The following CYP19A1 variants were observed in gnomAD, a reference collection of about 807,000 sequenced individuals.
CYP19A1 encodes the protein cytochrome P450 family 19 subfamily A member 1.
CYP19A1 carries 32 observed loss-of-function variants against 44.4 expected under a neutral mutation model. That is an observed-to-expected ratio of 0.72 (90% CI 0.54 to 0.97). CYP19A1 has a LOEUF of 0.97. CYP19A1 is among the 50% of genes least tolerant of loss of function. CYP19A1 has a pLI of 0.00. For missense variants in CYP19A1, 598 were observed against 637.8 expected, an observed-to-expected ratio of 0.94 and a Z score of 0.67; for synonymous variants, 212 against 215.6, an observed-to-expected ratio of 0.98 and a Z score of 0.14.
intron 6 of CYP19A1, 126 bp from the exon 7 acceptor site, chr15:51,215,943 G>A (rs2031531253): frequency 1.3e-6 from 2 of 1,501,494 alleles, no homozygotes; most frequent in Admixed American, 2.0e-5. Flanking sequence ...TTATGAGTAA[G>A]TGAATTACTA....
intron 1 of CYP19A1, among the ~76,000 whole-genome samples, chr15:51,275,115 G>T (rs538623346): frequency 6.2e-4 from 94 of 152,316 alleles, no homozygotes; most frequent in South Asian, 1.2e-3. Flanking sequence ...GGTGGGAGGG[G>T]ACATCCAGGA....
At chr15:51,275,352 A>G (rs1467168189) in intron 1 of CYP19A1, among the ~76,000 whole-genome samples, 4 of 152,222 alleles carry the variant, frequency 2.6e-5, no homozygotes, top group African/African-American at 9.6e-5. Flanking sequence ...CTCTTCTGTG[A>G]AAAGATGCCT....
chr15:51,255,468 C>T (rs1431717513), intron 1 of CYP19A1: 1 of 152,210 alleles, frequency 6.6e-6, no homozygotes, highest in East Asian at 1.9e-4. Context: ...GGAATCTTTA[C>T]TCAACAGAAT....
At chr15:51,279,656 CT>C (rs2035447121) in intron 1 of CYP19A1, among the ~76,000 whole-genome samples, 1 of 152,164 alleles carries the variant, frequency 6.6e-6, no homozygotes, top group South Asian at 2.1e-4. Context: ...AAGTCTCTTC[CT>C]TCTAATTCCC....
intron 1 of CYP19A1, among the ~76,000 whole-genome samples, chr15:51,318,169 G>A (rs144391497): frequency 1.2e-3 from 187 of 152,148 alleles, no homozygotes; most frequent in African/African-American, 4.3e-3. Flanking sequence ...ACAGTGCTCG[G>A]TGCTTTATGT....
chr15:51,216,900 C>T (rs544616552), intron 6 of CYP19A1, among the ~76,000 whole-genome samples: 1 of 152,258 alleles, frequency 6.6e-6, no homozygotes, highest in East Asian at 1.9e-4. Flanking sequence ...AATCTAAATT[C>T]AATTTTTCTT....
intron 1 of CYP19A1, among the ~76,000 whole-genome samples, chr15:51,278,321 C>T (rs566156117): frequency 6.6e-6 from 1 of 152,084 alleles, no homozygotes; most frequent in Non-Finnish European, 1.5e-5. Context: ...GAAAACTGAC[C>T]ATGAGGAGGA....
At chr15:51,226,220 GC>G (rs1273862705) in intron 4 of CYP19A1, among the ~76,000 whole-genome samples, 17 of 152,018 alleles carry the variant, frequency 1.1e-4, no homozygotes, top group African/African-American at 3.9e-4. Flanking sequence ...ACTGTTGATG[GC>G]TTTGAAGTTG....
chr15:51,243,208 C>G, intron 1 of CYP19A1: 4 of 392,764 alleles, frequency 1.0e-5, no homozygotes, highest in South Asian at 1.0e-4. Flanking sequence ...AGAACCTTAT[C>G]ATCTTGCCCT....
Position 51,208,625 on chromosome 15 carries a change from T to G in CYP19A1, c.*2183A>C. 6.6e-6 allele frequency: 1 copy of G among 152,100 alleles called. No homozygotes were observed. Among genetic ancestry groups the G allele is most frequent in the Non-Finnish European group, 1.5e-5 (1 of 68,016 alleles). 9.4% of individuals were successfully genotyped at this position (152,100 alleles called of 1,614,324 possible). A position where few individuals can be genotyped will look rare whatever the true frequency, so the allele number is the denominator to read the frequency against. On this transcript the variant is annotated 3_prime_UTR_variant, in exon 10 of 10. Transcript: ENST00000396402. ...CCAAGCCTCTACAAATATATGGGGT[T>G]TGTCTATACAGGCTAAGCAGAGTGA...
rs150890833 is a variant in CYP19A1 at position 51,242,891 on chromosome 15, G to A, written c.22C>T (p.Pro8Ser). ...ATGCTGGTGATGTTATAATGTATCG[G>A]GTTCAGCATTTCCAAAACCATCTTG... MVLEMLN[P>S]IHYNITSIVP... The change falls in exon 2 of 10, where the codon CCG becomes TCG. Residue 8 changes from proline (P) to serine (S), a missense_variant. Transcript: ENST00000396402. 2 of 1,611,162 alleles carry A rather than the reference G, an allele frequency of 1.2e-6. No individual in the cohort carries two copies. The highest frequency in any genetic ancestry group is 1.7e-6 in the Non-Finnish European group (2 of 1,177,320).
At chr15:51,214,297 C>T (rs1178823667) in intron 8 of CYP19A1, among the ~76,000 whole-genome samples, 2 of 152,158 alleles carry the variant, frequency 1.3e-5, no homozygotes, top group Non-Finnish European at 2.9e-5. Flanking sequence ...CAAAGATGGC[C>T]TTGTTTCTGT....
At chr15:51,323,899 T>A (rs1036641755) in intron 1 of CYP19A1, 1 of 152,158 alleles carries the variant, frequency 6.6e-6, no homozygotes, top group Non-Finnish European at 1.5e-5. Context: ...ACAGGCTGAA[T>A]TTCACCACAG....
Position 51,208,076 on chromosome 15 carries a change from T to C in CYP19A1, c.*2732A>G, listed in dbSNP as rs2030551682. The C allele has an allele frequency of 6.6e-6, 1 of 152,182 alleles. No homozygotes were observed. Among genetic ancestry groups the C allele is most frequent in the South Asian group, 2.1e-4 (1 of 4,828 alleles). 9.4% of individuals were successfully genotyped at this position (152,182 alleles called of 1,614,324 possible). ...ACTTACTACTTTGACAAGGTTTAAT[T>C]AGTATGTCTTTCTGCAAGAATAGGT... On this transcript the variant is annotated 3_prime_UTR_variant, in exon 10 of 10. Transcript: ENST00000396402.
chr15:51,217,639 C>G (rs780660707), intron 6 of CYP19A1, among the ~76,000 whole-genome samples: 2 of 152,132 alleles, frequency 1.3e-5, no homozygotes, highest in Non-Finnish European at 2.9e-5. Context: ...AGATGGAGAA[C>G]TTGAGATGGT....
chr15:51,215,676 G>A (rs1432668005), intron 7 of CYP19A1, 27 bp downstream of exon 7: 1 of 1,613,854 alleles, frequency 6.2e-7, no homozygotes. Context: ...ATGTGGCATG[G>A]GAATTACAGT....
intron 1 of CYP19A1, among the ~76,000 whole-genome samples, chr15:51,310,265 G>A (rs1214989052): frequency 6.6e-6 from 1 of 152,082 alleles, no homozygotes; most frequent in Non-Finnish European, 1.5e-5. Context: ...TCCTCTAAAA[G>A]CAGCTAGATT....
intron 1 of CYP19A1, among the ~76,000 whole-genome samples, chr15:51,272,696 A>G (rs570213155): frequency 1.3e-5 from 2 of 152,344 alleles, no homozygotes; most frequent in East Asian, 3.9e-4. Flanking sequence ...GTTTTGCTAG[A>G]GCCTCCTCTA....
Position 51,210,791 on chromosome 15 carries a change from G to C in CYP19A1, c.*17C>G, listed in dbSNP as rs1201251894. 6.7e-7 allele frequency: 1 copy of C among 1,489,224 alleles called. No homozygotes were observed. Among genetic ancestry groups the C allele is most frequent in the East Asian group, 2.3e-5 (1 of 44,352 alleles). The allele number at this position is 1,489,224 out of a possible 1,614,324, so 92.3% of individuals were successfully genotyped here. A position where few individuals can be genotyped will look rare whatever the true frequency, so the allele number is the denominator to read the frequency against. ...ACTGATGAGAAATGCTCCAGAGTGG[G>C]TACTGACCAGCCTTCTCTAGTGTTC... On this transcript the variant is annotated 3_prime_UTR_variant, in exon 10 of 10. Coordinates refer to ENST00000396402, the MANE Select transcript of CYP19A1 (RefSeq NM_000103.4).
Sources: allele counts gnomAD v4.1 joint callset (sites outside exome capture counted in the v4.1 genomes callset), GRCh38; gene constraint gnomAD v4.1.1; transcripts MANE v1.5; gene names NCBI Gene and HGNC (gene_info 2026-07-23, HGNC 2026-07-21).